Variants in EPHA6 observed in about 807,000 individuals in gnomAD.
EPHA6 encodes the protein EPH receptor A6, also known as ephrin type-A receptor 6.
A neutral mutation model predicts 112.0 loss-of-function variants in EPHA6; 50 were observed. The observed-to-expected ratio is 0.45, with a 90% CI of 0.36 to 0.56. EPHA6 has a LOEUF of 0.56. EPHA6 is among the 20% of genes least tolerant of loss of function. The pLI is 0.00. For missense variants in EPHA6, 1,280 were observed against 1,417.4 expected (o/e 0.90, Z 1.56); for synonymous variants, 529 against 490.7 (o/e 1.08, Z -1.03).
At chr3:96,915,050 A>G (rs1023656188) in intron 2 of EPHA6, among the ~76,000 whole-genome samples, 6 of 150,228 alleles carry the variant, frequency 4.0e-5, no homozygotes, top group African/African-American at 7.5e-5. Flanking sequence ...AAATAGTACC[A>G]TGATTGAATC....
chr3:97,736,923 G>A (rs943962177), intron 16 of EPHA6, among the ~76,000 whole-genome samples: 14 of 151,998 alleles, frequency 9.2e-5, no homozygotes, highest in African/African-American at 3.4e-4. Context: ...TCACTCAGGG[G>A]ATGGCTGGGG....
At chr3:96,891,798 A>C (rs1053328195) in intron 2 of EPHA6, among the ~76,000 whole-genome samples, 2 of 152,172 alleles carry the variant, frequency 1.3e-5, no homozygotes, top group Non-Finnish European at 2.9e-5. Flanking sequence ...TTTGAGAAAA[A>C]TTTATCGATC....
intron 11 of EPHA6, among the ~76,000 whole-genome samples, chr3:97,542,109 T>A (rs1187920383): frequency 2.0e-5 from 3 of 149,656 alleles, no homozygotes; most frequent in East Asian, 1.9e-4. Context: ...TTTTTTTTTA[T>A]ACTTTACGTT....
chr3:97,587,358 A>C (rs1162248387), intron 11 of EPHA6, among the ~76,000 whole-genome samples: 1 of 152,142 alleles, frequency 6.6e-6, no homozygotes, highest in East Asian at 1.9e-4. Context: ...CCACTGTATA[A>C]ATACTCATTT....
intron 3 of EPHA6, among the ~76,000 whole-genome samples, chr3:97,046,155 T>C (rs2045499208): frequency 6.6e-6 from 1 of 152,170 alleles, no homozygotes; most frequent in Non-Finnish European, 1.5e-5. Flanking sequence ...ACCATTTTTA[T>C]ATTTGAACAA....
chr3:97,406,170 C>T (rs2087329992), intron 6 of EPHA6, among the ~76,000 whole-genome samples: 1 of 152,134 alleles, frequency 6.6e-6, no homozygotes. Flanking sequence ...TTTAGTCTTC[C>T]TCTGAAGAAA....
chr3:97,300,255 A>G (rs1016535939), intron 5 of EPHA6, among the ~76,000 whole-genome samples: 2 of 152,240 alleles, frequency 1.3e-5, no homozygotes, highest in South Asian at 2.1e-4. Context: ...ACAGTAAAAA[A>G]AAATTACTTC....
At chr3:97,187,685 G>GA (rs1553718533) in intron 3 of EPHA6, among the ~76,000 whole-genome samples, 2 of 110,452 alleles carry the variant, frequency 1.8e-5, no homozygotes, top group South Asian at 2.8e-4. Context: ...GAGAAAGAAA[G>GA]AAGGAAAGAA....
At chr3:97,069,665 A>G (rs2108154028) in intron 3 of EPHA6, among the ~76,000 whole-genome samples, 1 of 152,272 alleles carries the variant, frequency 6.6e-6, no homozygotes, top group African/African-American at 2.4e-5. Flanking sequence ...TGTAGCATAT[A>G]ACAGCTGTAA....
At chr3:96,946,686 A>G (rs2041281200) in intron 2 of EPHA6, among the ~76,000 whole-genome samples, 1 of 152,158 alleles carries the variant, frequency 6.6e-6, no homozygotes, top group African/African-American at 2.4e-5. Flanking sequence ...TTGGGTATAT[A>G]CCCAGTAACG....
intron 5 of EPHA6, among the ~76,000 whole-genome samples, chr3:97,308,997 T>C (rs2081436712): frequency 6.6e-6 from 1 of 151,746 alleles, no homozygotes; most frequent in Admixed American, 6.6e-5. Context: ...GCTTTTGTTA[T>C]TTTCTACAGG....
intron 7 of EPHA6, among the ~76,000 whole-genome samples, chr3:97,458,755 C>T (rs1392712666): frequency 6.6e-6 from 1 of 151,938 alleles, no homozygotes; most frequent in South Asian, 2.1e-4. Flanking sequence ...GAGAAGGGCG[C>T]TTGAGAGGAA....
intron 2 of EPHA6, among the ~76,000 whole-genome samples, chr3:96,981,293 A>G: frequency 6.6e-6 from 1 of 152,200 alleles, no homozygotes; most frequent in East Asian, 1.9e-4. Flanking sequence ...CCTTTTCTGC[A>G]TCTATTGAGA....
intron 2 of EPHA6, among the ~76,000 whole-genome samples, chr3:96,961,988 G>A (rs574604464): frequency 6.6e-6 from 1 of 152,166 alleles, no homozygotes; most frequent in Non-Finnish European, 1.5e-5. Context: ...GATAAGTGGA[G>A]CCTAATCCTA....
At chr3:96,993,413 C>T (rs566377507) in intron 3 of EPHA6, among the ~76,000 whole-genome samples, 9 of 152,114 alleles carry the variant, frequency 5.9e-5, no homozygotes, top group African/African-American at 2.2e-4. Context: ...TCTCAAGCCT[C>T]AGCCTCCTGA....
At chr3:97,442,972 C>A (rs1485855027) in intron 6 of EPHA6, among the ~76,000 whole-genome samples, 6 of 152,038 alleles carry the variant, frequency 3.9e-5, no homozygotes, top group African/African-American at 9.7e-5. Flanking sequence ...ATAGTTCAGG[C>A]AATAAGATTT....
intron 3 of EPHA6, among the ~76,000 whole-genome samples, chr3:97,044,255 T>G (rs2045425061): frequency 1.3e-5 from 2 of 152,222 alleles, no homozygotes; most frequent in African/African-American, 4.8e-5. Flanking sequence ...TAACACAGCT[T>G]TATAATATTT....
At chr3:97,702,008 C>T (rs2107738545) in intron 14 of EPHA6, among the ~76,000 whole-genome samples, 1 of 152,250 alleles carries the variant, frequency 6.6e-6, no homozygotes, top group African/African-American at 2.4e-5. Flanking sequence ...ACAGTCTGAC[C>T]CTTACACTCC....
chr3:97,494,210 G>A (rs1221850178), intron 10 of EPHA6, among the ~76,000 whole-genome samples: 2 of 152,112 alleles, frequency 1.3e-5, no homozygotes, highest in Non-Finnish European at 2.9e-5. Context: ...GATTATAATG[G>A]AAAAGTACCT....
Sources: allele counts gnomAD v4.1 joint callset (sites outside exome capture counted in the v4.1 genomes callset), GRCh38; gene constraint gnomAD v4.1.1; transcripts MANE v1.5; gene names NCBI Gene and HGNC (gene_info 2026-07-23, HGNC 2026-07-21).